CLPB: variants seen among roughly 807,000 people sequenced by gnomAD.
CLPB encodes the protein ClpB family mitochondrial disaggregase, also known as mitochondrial disaggregase.
A neutral mutation model predicts 78.4 loss-of-function variants in CLPB; 40 were observed. The observed-to-expected ratio is 0.51, with a 90% CI of 0.40 to 0.66. CLPB has a LOEUF of 0.66. Ranked by LOEUF, CLPB falls within the 30% of genes least tolerant of loss-of-function variation. The pLI, the probability that CLPB is intolerant of heterozygous loss-of-function variation, is 0.00. For missense variants in CLPB, 780 were observed against 886.9 expected (o/e 0.88, Z 1.53); for synonymous variants, 333 against 348.0 (o/e 0.96, Z 0.48).
rs577375841 is a variant in CLPB at position 72,416,669 on chromosome 11, G to C, written c.456-13617C>G. ...AAGAATCGCTTGAACCCGGGAGGCA[G>C]AGGTTGGATTGAGCCAAGATCGCGC... On this transcript the variant is annotated intron_variant, in intron 2 of 15. Coordinates refer to ENST00000538039, the MANE Select transcript of CLPB (RefSeq NM_001258392.3). Among the ~76,000 whole-genome samples the C allele has an allele frequency of 1.1e-4, 17 of 148,372 alleles. 1 individual carries two copies. Among genetic ancestry groups the C allele is most frequent in the African/African-American group, 4.3e-4 (17 of 39,948 alleles).
intron 7 of CLPB, among the ~76,000 whole-genome samples, chr11:72,313,816 A>C (rs1165490266): frequency 1.3e-5 from 2 of 152,244 alleles, no homozygotes; most frequent in African/African-American, 4.8e-5. Context: ...CATTCCAATT[A>C]TACTCTTTCA....
chr11:72,364,734 C>T (rs1412216582), intron 4 of CLPB, among the ~76,000 whole-genome samples: 1 of 152,042 alleles, frequency 6.6e-6, no homozygotes, highest in African/African-American at 2.4e-5. Flanking sequence ...ACCCTGGTGA[C>T]CCCAGTATGA....
chr11:72,295,688 T>C (rs754308253), intron 11 of CLPB, 40 bp from the exon 12 acceptor site: 1 of 1,606,942 alleles, frequency 6.2e-7, no homozygotes. Flanking sequence ...CAGGGAGCTA[T>C]GTGCCTGGGC....
At chr11:72,397,271 C>T (rs144595263) in intron 3 of CLPB, among the ~76,000 whole-genome samples, 132 of 152,138 alleles carry the variant, frequency 8.7e-4, no homozygotes, top group Non-Finnish European at 1.6e-3. Flanking sequence ...GGTCCATTCA[C>T]CAGTTGATGG....
intron 5 of CLPB, among the ~76,000 whole-genome samples, chr11:72,356,483 G>GAGGTCA (rs1950718070): frequency 6.6e-6 from 1 of 152,130 alleles, no homozygotes; most frequent in African/African-American, 2.4e-5. Context: ...AAGGGGGAAG[G>GAGGTCA]GAGGTCAGAA....
chr11:72,323,714 C>T (rs1365598488), intron 6 of CLPB, among the ~76,000 whole-genome samples: 2 of 152,080 alleles, frequency 1.3e-5, no homozygotes, highest in East Asian at 3.8e-4. Context: ...GACATGACAA[C>T]CGAATGCAAC....
chr11:72,318,617 A>G (rs971467280), intron 6 of CLPB, among the ~76,000 whole-genome samples: 8 of 152,214 alleles, frequency 5.3e-5, no homozygotes, highest in African/African-American at 1.9e-4. Flanking sequence ...AGTGGATAAA[A>G]AATACCTACT....
chr11:72,325,915 C>CA (rs1193263670), intron 6 of CLPB, among the ~76,000 whole-genome samples: 1 of 151,822 alleles, frequency 6.6e-6, no homozygotes, highest in Non-Finnish European at 1.5e-5. Flanking sequence ...ACATTTTTTA[C>CA]AAAAAAGGCC....
At chr11:72,318,619 A>G (rs1000877364) in intron 6 of CLPB, among the ~76,000 whole-genome samples, 3 of 152,262 alleles carry the variant, frequency 2.0e-5, no homozygotes, top group African/African-American at 7.2e-5. Context: ...TGGATAAAAA[A>G]TACCTACTGC....
intron 5 of CLPB, among the ~76,000 whole-genome samples, chr11:72,335,007 G>A (rs1044750175): frequency 2.0e-5 from 3 of 152,200 alleles, no homozygotes; most frequent in African/African-American, 7.2e-5. Context: ...ATTGAAAAAA[G>A]TTTAGTGGAG....
intron 6 of CLPB, among the ~76,000 whole-genome samples, chr11:72,323,409 A>G (rs1950077411): frequency 6.6e-6 from 1 of 152,152 alleles, no homozygotes; most frequent in Non-Finnish European, 1.5e-5. Flanking sequence ...TTTACTAAAA[A>G]TACAAAAATT....
rs1027883109 is a variant in CLPB, at chr11:72,373,100, T to C, written c.646+7181A>G. 9.3e-6 allele frequency: 11 copies of C among 1,183,540 alleles called. No homozygotes were observed. In the South Asian group the frequency reaches 1.2e-4, roughly 13 times the overall value. 73.3% of individuals were successfully genotyped at this position (1,183,540 alleles called of 1,614,324 possible). ...TCTGGGAAGGGGGCACTCAGGCTGG[T>C]GGGGTTGTTCCAAGCCCTCTACCCC... is the stretch of plus-strand genomic sequence containing the variant. On this transcript the variant is annotated intron_variant, in intron 4 of 15. Transcript: ENST00000538039.
chr11:72,399,617 T>A (rs1388123016), intron 3 of CLPB, among the ~76,000 whole-genome samples: 1 of 152,170 alleles, frequency 6.6e-6, no homozygotes, highest in Non-Finnish European at 1.5e-5. Context: ...GTATTCTATA[T>A]CCCTAAAGAC....
At chr11:72,320,248 T>C (rs1950022022) in intron 6 of CLPB, among the ~76,000 whole-genome samples, 1 of 152,240 alleles carries the variant, frequency 6.6e-6, no homozygotes, top group South Asian at 2.1e-4. Context: ...TTCCACTTTG[T>C]TGATTTGGGT....
At chr11:72,415,346 C>T (rs990298610) in intron 2 of CLPB, among the ~76,000 whole-genome samples, 8 of 152,140 alleles carry the variant, frequency 5.3e-5, no homozygotes, top group Admixed American at 5.2e-4. Context: ...ATTTAGCATG[C>T]GTCAGCACAC....
chr11:72,401,609 G>A (rs143844008), intron 3 of CLPB, among the ~76,000 whole-genome samples: 4 of 152,278 alleles, frequency 2.6e-5, no homozygotes, highest in Non-Finnish European at 5.9e-5. Flanking sequence ...GTCTGAGGCA[G>A]TACCACCTCT....
At chr11:72,311,319 T>C (rs1401169180) in intron 7 of CLPB, among the ~76,000 whole-genome samples, 1 of 152,148 alleles carries the variant, frequency 6.6e-6, no homozygotes, top group Non-Finnish European at 1.5e-5. Context: ...GCCATAGTTG[T>C]TGTTGCTCTC....
At chr11:72,343,576 C>G (rs1490749174) in intron 5 of CLPB, among the ~76,000 whole-genome samples, 1 of 152,142 alleles carries the variant, frequency 6.6e-6, no homozygotes, top group Non-Finnish European at 1.5e-5. Flanking sequence ...AGGCAACCAT[C>G]ACCAAAAATA....
At chr11:72,407,351 G>GC (rs1855739414) in intron 2 of CLPB, among the ~76,000 whole-genome samples, 2 of 152,208 alleles carry the variant, frequency 1.3e-5, no homozygotes, top group Non-Finnish European at 2.9e-5. Context: ...TCTAATCACT[G>GC]CCAGTCTAAT....
Sources: gnomAD v4.1 joint callset for allele counts (sites outside exome capture counted in the v4.1 genomes callset) on GRCh38, gnomAD v4.1.1 for gene constraint, MANE v1.5 for transcripts, NCBI Gene and HGNC (gene_info 2026-07-23, HGNC 2026-07-21) for gene names.